PRIM2: variants seen among roughly 807,000 people sequenced by gnomAD.
The protein encoded by PRIM2 is DNA primase subunit 2, also known as DNA primase large subunit.
In PRIM2, 39 loss-of-function variants were observed where a neutral mutation model predicts 67.3. The ratio of observed to expected loss-of-function variants is 0.58; its 90% CI spans 0.45 to 0.76. The LOEUF is 0.76. Ranked by LOEUF, PRIM2 falls within the 30% of genes least tolerant of loss-of-function variation. The pLI is 0.00. For missense variants in PRIM2, 398 were observed against 598.7 expected, an observed-to-expected ratio of 0.66 and a Z score of 3.50; for synonymous variants, 143 against 198.7, an observed-to-expected ratio of 0.72 and a Z score of 2.36.
At chr6:57,377,557 G>A (rs1659190766) in intron 5 of PRIM2, among the ~76,000 whole-genome samples, 1 of 151,392 alleles carries the variant, frequency 6.6e-6, no homozygotes, top group Non-Finnish European at 1.5e-5. Context: ...TGGGATCTGA[G>A]ATCTCAGAAT....
the PRIM2 span, among the ~76,000 whole-genome samples, chr6:57,236,059 G>C: frequency 6.6e-6 from 1 of 151,212 alleles, no homozygotes; most frequent in Non-Finnish European, 1.5e-5. Flanking sequence ...TGTTGTCTTA[G>C]AGCACTACGT....
chr6:57,611,483 G>A (rs1371551957), intron 12 of PRIM2, among the ~76,000 whole-genome samples: 2 of 152,146 alleles, frequency 1.3e-5, no homozygotes, highest in African/African-American at 4.8e-5. Context: ...ATGGGCAACG[G>A]ATTTTTAAAC....
chr6:57,304,769 T>C, the PRIM2 span, among the ~76,000 whole-genome samples: 4 of 152,106 alleles, frequency 2.6e-5, no homozygotes, highest in African/African-American at 4.8e-5. Context: ...GAAGTAGAAG[T>C]AGATGAGAAG....
At chr6:57,313,551 CT>C (rs1767426448), upstream of PRIM2, among the ~76,000 whole-genome samples, 1 of 152,166 alleles carries the variant, frequency 6.6e-6, no homozygotes, top group South Asian at 2.1e-4. Flanking sequence ...TTGATTTTGA[CT>C]AATAAAGCAA....
chr6:57,248,804 C>G, the PRIM2 span, among the ~76,000 whole-genome samples: 1 of 152,226 alleles, frequency 6.6e-6, no homozygotes, highest in Admixed American at 6.5e-5. Flanking sequence ...ATGAATGAGC[C>G]TTAGGCTCCC....
the PRIM2 span, among the ~76,000 whole-genome samples, chr6:57,273,742 C>G: frequency 2.6e-5 from 4 of 152,062 alleles, no homozygotes; most frequent in African/African-American, 9.7e-5. Context: ...TCTGTTTTTT[C>G]CCCATCTTTT....
the PRIM2 span, among the ~76,000 whole-genome samples, chr6:57,254,934 G>C: frequency 6.6e-6 from 1 of 152,162 alleles, no homozygotes; most frequent in Non-Finnish European, 1.5e-5. Flanking sequence ...AGCTTAGAAG[G>C]TATATAAGCT....
chr6:57,558,205 G>A (rs1204229175), intron 10 of PRIM2, among the ~76,000 whole-genome samples: 1 of 152,144 alleles, frequency 6.6e-6, no homozygotes, highest in East Asian at 1.9e-4. Flanking sequence ...TTAGTATTGT[G>A]CTTATTAGCA....
the PRIM2 span, among the ~76,000 whole-genome samples, chr6:57,305,549 A>G: frequency 6.6e-6 from 1 of 152,246 alleles, no homozygotes; most frequent in Admixed American, 6.5e-5. Flanking sequence ...ATCGAGATGG[A>G]TTCATGTGAA....
the PRIM2 span, among the ~76,000 whole-genome samples, chr6:57,273,811 G>T: frequency 6.6e-6 from 1 of 151,766 alleles, no homozygotes; most frequent in Non-Finnish European, 1.5e-5. Context: ...TTTTGGTGTG[G>T]ATGTCCTTCC....
chr6:57,515,450 A>T (rs1774462722), intron 8 of PRIM2, among the ~76,000 whole-genome samples: 1 of 152,252 alleles, frequency 6.6e-6, no homozygotes. Flanking sequence ...TTGAAAATAC[A>T]GGGAAGTTCA....
intron 10 of PRIM2, among the ~76,000 whole-genome samples, chr6:57,566,321 C>G (rs1775739239): frequency 2.9e-4 from 44 of 152,046 alleles, no homozygotes; most frequent in Non-Finnish European, 5.9e-5. Flanking sequence ...GTAGTTTGAA[C>G]CCTCTGTTTT....
chr6:57,570,982 T>C (rs1775852153), intron 10 of PRIM2, among the ~76,000 whole-genome samples: 1 of 152,318 alleles, frequency 6.6e-6, no homozygotes, highest in South Asian at 2.1e-4. Flanking sequence ...AATTTACACA[T>C]AGAATTTTAC....
At chr6:57,579,738 G>A (rs1776045606) in intron 10 of PRIM2, among the ~76,000 whole-genome samples, 2 of 152,084 alleles carry the variant, frequency 1.3e-5, no homozygotes, top group African/African-American at 4.8e-5. Context: ...GTAACCAATT[G>A]CCCATTTGCT....
At chr6:57,644,005 C>T (rs1377694068) in intron 13 of PRIM2, among the ~76,000 whole-genome samples, 2 of 152,148 alleles carry the variant, frequency 1.3e-5, no homozygotes, top group African/African-American at 4.8e-5. Flanking sequence ...GCAGCAACCC[C>T]TTTTTCCCTG....
At chr6:57,640,683 AC>A (rs1248301988) in intron 13 of PRIM2, among the ~76,000 whole-genome samples, 2 of 152,160 alleles carry the variant, frequency 1.3e-5, no homozygotes, top group Non-Finnish European at 2.9e-5. Context: ...GATGTGAAGG[AC>A]CTCTTGAAGG....
chr6:57,423,007 G>A (rs1200030407), intron 7 of PRIM2, among the ~76,000 whole-genome samples: 7 of 152,160 alleles, frequency 4.6e-5, no homozygotes, highest in Admixed American at 4.6e-4. Flanking sequence ...TTCAGTGTTA[G>A]TGCAGAGTAA....
the PRIM2 span, among the ~76,000 whole-genome samples, chr6:57,297,725 T>C: frequency 1.3e-5 from 2 of 152,182 alleles, no homozygotes; most frequent in Non-Finnish European, 2.9e-5. Context: ...CTAATACATG[T>C]ACTGAGAAAG....
At chr6:57,294,567 A>G in the PRIM2 span, among the ~76,000 whole-genome samples, 45 of 151,912 alleles carry the variant, frequency 3.0e-4, 1 homozygote, top group Admixed American at 7.9e-4. Context: ...ATATATTTAT[A>G]CATAAATTTA....
Sources: gnomAD v4.1 joint callset for allele counts (sites outside exome capture counted in the v4.1 genomes callset) on GRCh38, gnomAD v4.1.1 for gene constraint, MANE v1.5 for transcripts, NCBI Gene and HGNC (gene_info 2026-07-23, HGNC 2026-07-21) for gene names.